The following CACNG2 variants were observed in gnomAD, a reference collection of about 807,000 sequenced individuals.
CACNG2 encodes calcium voltage-gated channel auxiliary subunit gamma 2.
CACNG2 carries 3 observed loss-of-function variants against 25.9 expected under a neutral mutation model. The ratio of observed to expected loss-of-function variants is 0.12; its 90% CI spans 0.05 to 0.30. CACNG2 has a LOEUF of 0.30. Ranked by LOEUF, CACNG2 falls within the 10% of genes least tolerant of loss-of-function variation. The pLI is 1.00. For missense variants in CACNG2, 341 were observed against 432.5 expected (o/e 0.79, Z 1.88); for synonymous variants, 167 against 173.3 (o/e 0.96, Z 0.29).
chr22:36,588,399 A>T (rs1018041408), intron 1 of CACNG2, among the ~76,000 whole-genome samples: 1 of 152,196 alleles, frequency 6.6e-6, no homozygotes, highest in African/African-American at 2.4e-5. Context: ...GTGTTCACTG[A>T]TGAGCACGTG....
At chr22:36,654,016 A>C (rs1936666319) in intron 1 of CACNG2, among the ~76,000 whole-genome samples, 2 of 115,638 alleles carry the variant, frequency 1.7e-5, no homozygotes, top group South Asian at 5.7e-4. Flanking sequence ...GTGTGTGTTT[A>C]TGTATGTGCG....
At chr22:36,621,585 A>G (rs1936106440) in intron 1 of CACNG2, among the ~76,000 whole-genome samples, 2 of 150,784 alleles carry the variant, frequency 1.3e-5, no homozygotes, top group South Asian at 4.2e-4. Flanking sequence ...AAAAAAAAAG[A>G]AAAATGAAGA....
At chr22:36,645,650 A>G (rs951633589) in intron 1 of CACNG2, among the ~76,000 whole-genome samples, 1 of 151,722 alleles carries the variant, frequency 6.6e-6, no homozygotes, top group African/African-American at 2.4e-5. Context: ...GGGAGAATAT[A>G]TTTTCTTCCT....
intron 2 of CACNG2, among the ~76,000 whole-genome samples, chr22:36,573,060 T>C (rs990256888): frequency 6.6e-6 from 1 of 152,192 alleles, no homozygotes; most frequent in Non-Finnish European, 1.5e-5. Flanking sequence ...TATGGCACCA[T>C]GAGGGTATGT....
chr22:36,638,838 T>C (rs1936399062), intron 1 of CACNG2, among the ~76,000 whole-genome samples: 1 of 152,206 alleles, frequency 6.6e-6, no homozygotes, highest in African/African-American at 2.4e-5. Context: ...AATAAAAAAA[T>C]GGTTCTCAAG....
At chr22:36,689,788 G>A (rs981433442) in intron 1 of CACNG2, among the ~76,000 whole-genome samples, 2 of 152,246 alleles carry the variant, frequency 1.3e-5, no homozygotes, top group Admixed American at 6.5e-5. Context: ...AGCATGCCAC[G>A]TGGCTGGCCA....
intron 1 of CACNG2, among the ~76,000 whole-genome samples, chr22:36,689,125 C>T (rs960792960): frequency 6.6e-6 from 1 of 152,152 alleles, no homozygotes; most frequent in Non-Finnish European, 1.5e-5. Context: ...CTCGCCTTTA[C>T]TTGTGCCTTC....
intron 2 of CACNG2, among the ~76,000 whole-genome samples, chr22:36,568,370 C>T (rs779755702): frequency 3.3e-5 from 5 of 151,934 alleles, no homozygotes; most frequent in Admixed American, 6.6e-5. Flanking sequence ...CTATATAGAA[C>T]TGTAGGGATT....
intron 2 of CACNG2, among the ~76,000 whole-genome samples, chr22:36,568,438 T>C (rs1243526909): frequency 6.6e-6 from 1 of 151,724 alleles, no homozygotes; most frequent in Non-Finnish European, 1.5e-5. Flanking sequence ...GGAGTCTTGC[T>C]CTGTTGCCCA....
chr22:36,620,709 G>A (rs1485739636), intron 1 of CACNG2, among the ~76,000 whole-genome samples: 1 of 152,156 alleles, frequency 6.6e-6, no homozygotes, highest in Non-Finnish European at 1.5e-5. Context: ...TGGAGCTCAC[G>A]TCAGACACAC....
At chr22:36,700,252 G>A (rs570702315) in intron 1 of CACNG2, among the ~76,000 whole-genome samples, 22 of 152,378 alleles carry the variant, frequency 1.4e-4, no homozygotes, top group African/African-American at 5.3e-4. Flanking sequence ...CAGCACATTT[G>A]GGGGTGTGGA....
chr22:36,628,222 A>G (rs545209642), intron 1 of CACNG2, among the ~76,000 whole-genome samples: 1 of 152,372 alleles, frequency 6.6e-6, no homozygotes, highest in South Asian at 2.1e-4. Flanking sequence ...AGGAATAGAT[A>G]GTTGGGGACG....
chr22:36,612,936 T>C (rs1278938409), intron 1 of CACNG2, among the ~76,000 whole-genome samples: 1 of 152,186 alleles, frequency 6.6e-6, no homozygotes, highest in Non-Finnish European at 1.5e-5. Context: ...TTTCCAAAGT[T>C]CATTCTGCTG....
intron 1 of CACNG2, among the ~76,000 whole-genome samples, chr22:36,643,584 G>T (rs779992309): frequency 1.7e-4 from 26 of 151,776 alleles, no homozygotes; most frequent in Non-Finnish European, 3.2e-4. Flanking sequence ...AAGGATCAAA[G>T]AATATGCTAA....
chr22:36,627,804 G>A (rs920462833), intron 1 of CACNG2, among the ~76,000 whole-genome samples: 2 of 151,762 alleles, frequency 1.3e-5, no homozygotes, highest in Admixed American at 6.6e-5. Context: ...TCTGATTTTC[G>A]AATTTTAGAC....
intron 1 of CACNG2, among the ~76,000 whole-genome samples, chr22:36,635,501 C>A (rs1005652386): frequency 1.3e-5 from 2 of 151,730 alleles, no homozygotes; most frequent in Admixed American, 1.3e-4. Flanking sequence ...AAGACAGAAA[C>A]AACCCAAACA....
chr22:36,627,687 A>G (rs1936204770), intron 1 of CACNG2, among the ~76,000 whole-genome samples: 1 of 149,514 alleles, frequency 6.7e-6, no homozygotes, highest in Admixed American at 6.7e-5. Flanking sequence ...CAGTGGCACC[A>G]TCATAGCTCA....
chr22:36,666,861 C>T (rs1412419354), intron 1 of CACNG2, among the ~76,000 whole-genome samples: 2 of 152,140 alleles, frequency 1.3e-5, no homozygotes, highest in Non-Finnish European at 2.9e-5. Context: ...CTGTCCCCCA[C>T]TAGACCGGAT....
chr22:36,670,954 C>G (rs980122913), intron 1 of CACNG2, among the ~76,000 whole-genome samples: 53 of 146,220 alleles, frequency 3.6e-4, no homozygotes, highest in African/African-American at 1.2e-3. Flanking sequence ...GAGTCTTGCT[C>G]TCTCACCAGG....
Sources: allele counts gnomAD v4.1 joint callset (sites outside exome capture counted in the v4.1 genomes callset), GRCh38; gene constraint gnomAD v4.1.1; transcripts MANE v1.5; gene names NCBI Gene and HGNC (gene_info 2026-07-23, HGNC 2026-07-21).